CNTN6: variants seen among roughly 807,000 people sequenced by gnomAD.
CNTN6 encodes the protein contactin 6.
CNTN6 carries 137 observed loss-of-function variants against 122.8 expected under a neutral mutation model. That is an observed-to-expected ratio of 1.12 (90% CI 0.97 to 1.29). The LOEUF (loss-of-function observed/expected upper bound fraction) is 1.29. Among genes scored for constraint, CNTN6 ranks in the 50% most tolerant of loss-of-function variants. The pLI, the probability that CNTN6 is intolerant of heterozygous loss-of-function variation, is 0.00. For synonymous variants in CNTN6, 570 were observed against 426.0 expected, an observed-to-expected ratio of 1.34 and a Z score of -4.16; for missense variants, 1,634 against 1,223.4, an observed-to-expected ratio of 1.34 and a Z score of -5.01.
chr3:1,318,843 G>T (rs1351273), intron 7 of CNTN6, among the ~76,000 whole-genome samples: 1 of 151,368 alleles, frequency 6.6e-6, no homozygotes, highest in South Asian at 2.1e-4. Context: ...AACAGCTTGA[G>T]GACAGTGTCC....
intron 5 of CNTN6, among the ~76,000 whole-genome samples, chr3:1,292,053 G>A (rs888524582): frequency 6.6e-6 from 1 of 151,990 alleles, no homozygotes; most frequent in African/African-American, 2.4e-5. Flanking sequence ...TACATCCCGA[G>A]TAGTGTTCAT....
At chr3:1,332,354 C>G (rs1019205371) in intron 11 of CNTN6, among the ~76,000 whole-genome samples, 2 of 151,942 alleles carry the variant, frequency 1.3e-5, no homozygotes, top group Admixed American at 1.3e-4. Flanking sequence ...TGGCTTCAAG[C>G]TGTTTGTTGA....
intron 2 of CNTN6, among the ~76,000 whole-genome samples, chr3:1,152,510 G>A (rs939972191): frequency 3.3e-5 from 5 of 152,002 alleles, no homozygotes; most frequent in African/African-American, 1.2e-4. Flanking sequence ...ACCACGTAGG[G>A]TCAAATTTTG....
intron 7 of CNTN6, among the ~76,000 whole-genome samples, chr3:1,300,583 AAG>A (rs1320539368): frequency 1.1e-3 from 152 of 136,548 alleles, no homozygotes; most frequent in Middle Eastern, 7.1e-3. Context: ...GAAAGAAAGA[AAG>A]AAAGAAAGAA....
At chr3:1,321,585 C>T (rs1229011831) in intron 7 of CNTN6, 65 bp from the exon 8 acceptor site, 12 of 1,376,006 alleles carry the variant, frequency 8.7e-6, no homozygotes, top group Non-Finnish European at 1.2e-5. Context: ...TATGGATGCT[C>T]TTCTTTTATT....
At chr3:1,321,600 T>C (rs577700458) in intron 7 of CNTN6, 50 bp from the exon 8 acceptor site, 4 of 1,450,058 alleles carry the variant, frequency 2.8e-6, no homozygotes, top group Non-Finnish European at 3.7e-6. Context: ...TTTATTTTGC[T>C]GTCATAAAGA....
At chr3:1,389,720 C>T (rs906347162) in intron 20 of CNTN6, among the ~76,000 whole-genome samples, 1 of 150,854 alleles carries the variant, frequency 6.6e-6, no homozygotes, top group East Asian at 1.9e-4. Flanking sequence ...GGAAGATCTA[C>T]TGAGCCAATG....
Position 1,131,652 on chromosome 3 carries a change from G to A in CNTN6, c.-82-16275G>A, listed in dbSNP as rs191682698. On this transcript the variant is annotated intron_variant, in intron 1 of 22. Coordinates refer to ENST00000446702, the MANE Select transcript of CNTN6 (RefSeq NM_001289080.2). ...GCACCTGGGAACCTCCAGGGATAGA[G>A]CTGAGACAGAGGTGGTCATTCATCA... 5.2e-4 allele frequency among the ~76,000 whole-genome samples: 79 copies of A among 152,254 alleles called. No homozygotes were observed. In the Middle Eastern group the frequency reaches 0.01, roughly 20 times the overall value.
chr3:1,191,051 A>C (rs1184380721), intron 2 of CNTN6, among the ~76,000 whole-genome samples: 1 of 152,196 alleles, frequency 6.6e-6, no homozygotes, highest in Admixed American at 6.5e-5. Flanking sequence ...ATAACATAAG[A>C]AGAAATATGT....
intron 1 of CNTN6, among the ~76,000 whole-genome samples, chr3:1,105,655 G>T (rs560546104): frequency 1.3e-5 from 2 of 152,194 alleles, no homozygotes; most frequent in South Asian, 4.1e-4. Context: ...TATTGTTCTA[G>T]TCTTATTAAA....
intron 2 of CNTN6, among the ~76,000 whole-genome samples, chr3:1,179,394 T>C (rs2093513577): frequency 6.6e-6 from 1 of 152,132 alleles, no homozygotes. Context: ...CACTGTTAGA[T>C]GTCACTGGAG....
intron 11 of CNTN6, among the ~76,000 whole-genome samples, chr3:1,330,870 T>TC: frequency 6.6e-6 from 1 of 152,018 alleles, no homozygotes; most frequent in East Asian, 1.9e-4. Context: ...AAAAGGATAG[T>TC]CACAACTCCA....
At chr3:1,104,892 C>G (rs7627620) in intron 1 of CNTN6, among the ~76,000 whole-genome samples, 9,888 of 152,166 alleles carry the variant, frequency 0.065, 423 homozygotes, top group Non-Finnish European at 0.089. Flanking sequence ...GGATTTTTCA[C>G]CAGATGGGTG....
intron 2 of CNTN6, among the ~76,000 whole-genome samples, chr3:1,181,017 T>C (rs2093544574): frequency 1.3e-5 from 2 of 152,170 alleles, no homozygotes; most frequent in Non-Finnish European, 2.9e-5. Context: ...CTTTATTTTA[T>C]TATGACTGCT....
intron 11 of CNTN6, among the ~76,000 whole-genome samples, chr3:1,340,219 T>C (rs907526381): frequency 1.3e-5 from 2 of 152,206 alleles, no homozygotes; most frequent in Non-Finnish European, 2.9e-5. Flanking sequence ...ATGAGATTTC[T>C]GGTGTCTATA....
intron 12 of CNTN6, among the ~76,000 whole-genome samples, chr3:1,363,306 A>G (rs1167538264): frequency 6.6e-6 from 1 of 151,388 alleles, no homozygotes; most frequent in Non-Finnish European, 1.5e-5. Flanking sequence ...ATGATACAGT[A>G]TACAGATATA....
chr3:1,279,003 C>T (rs1179863890), intron 5 of CNTN6, among the ~76,000 whole-genome samples: 1 of 152,158 alleles, frequency 6.6e-6, no homozygotes, highest in Non-Finnish European at 1.5e-5. Flanking sequence ...ATTGTTACTA[C>T]GTTTTTATTT....
chr3:1,300,527 TAAAGAAAG>T (rs58573406), intron 7 of CNTN6, among the ~76,000 whole-genome samples: 1 of 81,416 alleles, frequency 1.2e-5, no homozygotes, highest in African/African-American at 4.3e-5. Context: ...GAAAGAAAGA[TAAAGAAAG>T]AGAGAGAAAG....
rs930400226 is a variant in CNTN6 at position 1,184,415 on chromosome 3, CATT to C, written c.56-36265_56-36263del. The stretch of plus-strand genomic sequence containing the variant: ...GCTCATATGATAGGATGGGCAGTTT[CATT>C]ATTATTTGTCTTGCCTGTTACCAAG... On this transcript the variant is annotated intron_variant, in intron 2 of 22. Transcript: ENST00000446702. Among the ~76,000 whole-genome samples, 201 of 152,190 alleles carry C rather than the reference CATT, an allele frequency of 1.3e-3. 2 individuals are homozygous for C. The highest frequency in any genetic ancestry group is 4.7e-3 in the African/African-American group (195 of 41,550).
Sources: gnomAD v4.1 joint callset for allele counts (sites outside exome capture counted in the v4.1 genomes callset) on GRCh38, gnomAD v4.1.1 for gene constraint, MANE v1.5 for transcripts, NCBI Gene and HGNC (gene_info 2026-07-23, HGNC 2026-07-21) for gene names.